NRXN3: variants seen among roughly 807,000 people sequenced by gnomAD.
NRXN3 encodes the protein neurexin III.
Under a neutral mutation model 137.6 loss-of-function variants are expected in NRXN3, and 32 were observed. That is an observed-to-expected ratio of 0.23 (90% CI 0.18 to 0.31). The LOEUF (loss-of-function observed/expected upper bound fraction) is 0.31, where lower values mean the gene tolerates loss of function less well. NRXN3 is among the 10% of genes least tolerant of loss of function. The pLI is 1.00. For missense variants in NRXN3, 1,574 were observed against 2,062.5 expected, an observed-to-expected ratio of 0.76 and a Z score of 4.59; for synonymous variants, 798 against 784.5, an observed-to-expected ratio of 1.02 and a Z score of -0.29.
intron 16 of NRXN3, among the ~76,000 whole-genome samples, chr14:79,598,422 C>T (rs1482624443): frequency 1.3e-5 from 2 of 152,174 alleles, no homozygotes; most frequent in South Asian, 2.1e-4. Context: ...ACCCAGTCTT[C>T]TACCAGAGGT....
At chr14:78,628,924 T>A (rs982252546) in intron 4 of NRXN3, among the ~76,000 whole-genome samples, 3 of 152,242 alleles carry the variant, frequency 2.0e-5, no homozygotes, top group Admixed American at 2.0e-4. Context: ...TACCCAATTC[T>A]AGCTTCATTC....
chr14:78,699,428 A>G (rs780563174), intron 6 of NRXN3, among the ~76,000 whole-genome samples: 1 of 152,216 alleles, frequency 6.6e-6, no homozygotes, highest in Non-Finnish European at 1.5e-5. Context: ...TTTGCATTTA[A>G]TTCTGAAGTT....
intron 15 of NRXN3, among the ~76,000 whole-genome samples, chr14:79,224,683 C>T (rs2070480053): frequency 6.6e-6 from 1 of 152,120 alleles, no homozygotes; most frequent in Non-Finnish European, 1.5e-5. Flanking sequence ...TGGGCTCTTA[C>T]TCCAATCTGA....
At chr14:79,055,996 G>T (rs1351463032) in intron 15 of NRXN3, among the ~76,000 whole-genome samples, 1 of 152,184 alleles carries the variant, frequency 6.6e-6, no homozygotes, top group East Asian at 1.9e-4. Flanking sequence ...AATGTTTAAA[G>T]AAGCCGAATT....
intron 15 of NRXN3, among the ~76,000 whole-genome samples, chr14:79,428,346 A>C (rs1263850612): frequency 6.6e-6 from 1 of 151,710 alleles, no homozygotes; most frequent in African/African-American, 2.4e-5. Context: ...TTTTTAATTA[A>C]AAAAATAATA....
intron 15 of NRXN3, among the ~76,000 whole-genome samples, chr14:79,422,875 T>G (rs1468000262): frequency 6.6e-6 from 1 of 151,940 alleles, no homozygotes; most frequent in African/African-American, 2.4e-5. Flanking sequence ...AATTTTTGTA[T>G]TTTTAGTAGA....
chr14:79,069,834 A>G (rs2099685318), intron 15 of NRXN3, among the ~76,000 whole-genome samples: 1 of 152,150 alleles, frequency 6.6e-6, no homozygotes, highest in African/African-American at 2.4e-5. Flanking sequence ...TGATAATCAT[A>G]AGACAGTGAT....
At chr14:78,318,909 A>C (rs2153556311) in intron 4 of NRXN3, among the ~76,000 whole-genome samples, 1 of 152,324 alleles carries the variant, frequency 6.6e-6, no homozygotes. Flanking sequence ...TCACAATCTA[A>C]TGTGCACCCG....
In NRXN3 at chr14:79,598,887, A is replaced by G. The variant is rs547839722; in HGVS notation, c.3445-64891A>G. Among the ~76,000 whole-genome samples the G allele has an allele frequency of 2.3e-4, 35 of 152,290 alleles. 1 individual carries two copies. In the Middle Eastern group the frequency reaches 0.01, roughly 44 times the overall value. On this transcript the variant is annotated intron_variant, in intron 16 of 20. Coordinates refer to ENST00000335750, the MANE Select transcript of NRXN3 (RefSeq NM_001330195.2). ...TGCTTCCCTGATAAACAGCTCAGACATGGGTTAGAAGAGGTGGCCCTGGGA... is the reference window on the plus strand; with the variant it reads ...TGCTTCCCTGATAAACAGCTCAGACGTGGGTTAGAAGAGGTGGCCCTGGGA...
intron 15 of NRXN3, among the ~76,000 whole-genome samples, chr14:79,011,901 C>A (rs141542042): frequency 6.6e-6 from 1 of 152,230 alleles, no homozygotes; most frequent in African/African-American, 2.4e-5. Context: ...GGAAGCAGTT[C>A]GATGGGAGAA....
chr14:79,234,741 G>A (rs1568717152), intron 15 of NRXN3, among the ~76,000 whole-genome samples: 1 of 151,882 alleles, frequency 6.6e-6, no homozygotes, highest in Non-Finnish European at 1.5e-5. Flanking sequence ...AATGTTCTGT[G>A]AAGTCTTGTA....
intron 6 of NRXN3, among the ~76,000 whole-genome samples, chr14:78,693,999 C>A (rs933073961): frequency 1.3e-5 from 2 of 151,902 alleles, no homozygotes; most frequent in African/African-American, 2.4e-5. Context: ...CGTGCTATTT[C>A]TTTTACCTTC....
At chr14:79,086,317 C>T (rs1383042185) in intron 15 of NRXN3, among the ~76,000 whole-genome samples, 2 of 152,072 alleles carry the variant, frequency 1.3e-5, no homozygotes, top group Non-Finnish European at 2.9e-5. Context: ...GGAAGGAAAC[C>T]CAAATCTTTC....
chr14:78,534,299 C>T (rs2096508420), intron 4 of NRXN3, among the ~76,000 whole-genome samples: 1 of 152,144 alleles, frequency 6.6e-6, no homozygotes, highest in Non-Finnish European at 1.5e-5. Context: ...AAAAAATGTT[C>T]ACTGACAATA....
At chr14:79,447,355 A>T (rs941628506) in intron 15 of NRXN3, among the ~76,000 whole-genome samples, 2 of 152,250 alleles carry the variant, frequency 1.3e-5, no homozygotes, top group African/African-American at 2.4e-5. Flanking sequence ...ATTTGTAAAA[A>T]AAAATAAAAT....
At position 79,579,794 on chromosome 14, in the gene NRXN3, A is replaced by G. The variant is rs540304665; in HGVS notation, c.3445-83984A>G. On this transcript the variant is annotated intron_variant, in intron 16 of 20. Coordinates refer to ENST00000335750, the MANE Select transcript of NRXN3 (RefSeq NM_001330195.2). ...TATTTATCACTTCTATGTGTAGGTA[A>G]CATTTCAAGTTCTCTCTTCTAGCTA... Among the ~76,000 whole-genome samples the G allele has an allele frequency of 2.6e-5, 4 of 152,284 alleles. No individual in the cohort carries two copies. The South Asian group carries it at 8.3e-4, about 32-fold the overall frequency.
chr14:79,234,314 A>G (rs1487830394), intron 15 of NRXN3, among the ~76,000 whole-genome samples: 6 of 107,780 alleles, frequency 5.6e-5, no homozygotes, highest in African/African-American at 1.6e-4. Flanking sequence ...ATATATATAT[A>G]TATATATATA....
intron 16 of NRXN3, among the ~76,000 whole-genome samples, chr14:79,554,590 G>A (rs1348958377): frequency 1.3e-5 from 2 of 152,134 alleles, no homozygotes; most frequent in Non-Finnish European, 2.9e-5. Context: ...ACTTGGGTAG[G>A]TGGGAGGATG....
At chr14:78,265,701 A>G (rs1225952268) in intron 2 of NRXN3, among the ~76,000 whole-genome samples, 1 of 152,172 alleles carries the variant, frequency 6.6e-6, no homozygotes, top group Non-Finnish European at 1.5e-5. Flanking sequence ...TGGGAAAAGC[A>G]ATGACCTGGG....
Sources: gnomAD v4.1 joint callset for allele counts (sites outside exome capture counted in the v4.1 genomes callset) on GRCh38, gnomAD v4.1.1 for gene constraint, MANE v1.5 for transcripts, NCBI Gene and HGNC (gene_info 2026-07-23, HGNC 2026-07-21) for gene names.